The following CNTN5 variants were observed in gnomAD, a reference collection of about 807,000 sequenced individuals.
CNTN5 encodes contactin 5, also known as contactin-5.
CNTN5 carries 77 observed loss-of-function variants against 129.1 expected under a neutral mutation model. The ratio of observed to expected loss-of-function variants is 0.60; its 90% CI spans 0.50 to 0.72. The LOEUF is 0.72. Ranked by LOEUF, CNTN5 falls within the 30% of genes least tolerant of loss-of-function variation. The pLI is 0.00. For synonymous variants in CNTN5, 509 were observed against 465.6 expected (o/e 1.09, Z -1.20); for missense variants, 1,478 against 1,328.8 (o/e 1.11, Z -1.75).
chr11:99,583,871 G>A lies in CNTN5; in HGVS notation c.55+27602G>A, dbSNP rs549943987. On this transcript the variant is annotated intron_variant, in intron 3 of 24. Coordinates refer to ENST00000524871, the MANE Select transcript of CNTN5 (RefSeq NM_014361.4). ...TTGCACTCCCCAGTGAGATGAACTCGGTACCTCAGTTGGAAATGCAGAAAT... is the reference window on the plus strand; with the variant it reads ...TTGCACTCCCCAGTGAGATGAACTCAGTACCTCAGTTGGAAATGCAGAAAT... 4.9e-3 allele frequency among the ~76,000 whole-genome samples: 750 copies of A among 152,126 alleles called. 5 individuals carry two copies. The highest frequency in any genetic ancestry group is 0.01 in the Middle Eastern group (3 of 294).
chr11:99,338,551 T>A (rs1866342117), intron 2 of CNTN5, among the ~76,000 whole-genome samples: 2 of 152,260 alleles, frequency 1.3e-5, no homozygotes, highest in South Asian at 4.1e-4. Context: ...ATTTTTAACA[T>A]TCAGTGAGAA....
intron 3 of CNTN5, among the ~76,000 whole-genome samples, chr11:99,733,489 A>G (rs1478319335): frequency 6.6e-6 from 1 of 152,014 alleles, no homozygotes; most frequent in East Asian, 1.9e-4. Context: ...GGGAGGGTCT[A>G]TGGAAACTGA....
intron 15 of CNTN5, among the ~76,000 whole-genome samples, chr11:100,216,567 T>G (rs1433868730): frequency 6.6e-6 from 1 of 151,928 alleles, no homozygotes; most frequent in Non-Finnish European, 1.5e-5. Context: ...ATTGAAAATT[T>G]TCTTGATACT....
At chr11:99,161,527 G>A (rs1034947621) in intron 1 of CNTN5, among the ~76,000 whole-genome samples, 1 of 152,010 alleles carries the variant, frequency 6.6e-6, no homozygotes, top group Non-Finnish European at 1.5e-5. Flanking sequence ...AAAACCAATT[G>A]CGAGCATGGA....
chr11:99,175,199 A>T (rs920639446), intron 1 of CNTN5, among the ~76,000 whole-genome samples: 1 of 152,158 alleles, frequency 6.6e-6, no homozygotes, highest in Non-Finnish European at 1.5e-5. Flanking sequence ...ATGCCACTGC[A>T]CTCCAGCCTG....
intron 13 of CNTN5, among the ~76,000 whole-genome samples, chr11:100,128,675 A>G (rs1389824780): frequency 6.6e-6 from 1 of 152,092 alleles, no homozygotes; most frequent in Non-Finnish European, 1.5e-5. Flanking sequence ...AATAAAAGCT[A>G]AGGTATGTGT....
intron 1 of CNTN5, among the ~76,000 whole-genome samples, chr11:99,232,960 AAAG>A (rs1861077956): frequency 6.6e-6 from 1 of 152,218 alleles, no homozygotes. Flanking sequence ...GTGAACCTTT[AAAG>A]AAATAGGAAC....
At chr11:99,466,279 T>G (rs1479522047) in intron 2 of CNTN5, among the ~76,000 whole-genome samples, 1 of 152,144 alleles carries the variant, frequency 6.6e-6, no homozygotes, top group Non-Finnish European at 1.5e-5. Flanking sequence ...CAATCACCTC[T>G]TACCAGTCCC....
intron 3 of CNTN5, among the ~76,000 whole-genome samples, chr11:99,571,794 A>T (rs1949183635): frequency 1.3e-5 from 2 of 152,176 alleles, no homozygotes; most frequent in African/African-American, 4.8e-5. Flanking sequence ...TATTCAAATT[A>T]ATCATAGTGA....
chr11:99,184,662 C>A (rs1432435776), intron 1 of CNTN5, among the ~76,000 whole-genome samples: 2 of 151,914 alleles, frequency 1.3e-5, no homozygotes, highest in Non-Finnish European at 2.9e-5. Flanking sequence ...TCAAGAAGTG[C>A]AAAGAAAATG....
At chr11:99,176,004 C>A (rs915755979) in intron 1 of CNTN5, among the ~76,000 whole-genome samples, 6 of 152,160 alleles carry the variant, frequency 3.9e-5, no homozygotes, top group Admixed American at 1.3e-4. Flanking sequence ...CAATTATTTT[C>A]TTTCTTCTCC....
At chr11:99,733,408 C>A (rs766960129) in intron 3 of CNTN5, among the ~76,000 whole-genome samples, 1 of 150,766 alleles carries the variant, frequency 6.6e-6, no homozygotes, top group African/African-American at 2.4e-5. Context: ...ATGATGTTTT[C>A]TCCACAAAGT....
At chr11:99,502,933 A>C (rs1242436178) in intron 2 of CNTN5, among the ~76,000 whole-genome samples, 2 of 152,160 alleles carry the variant, frequency 1.3e-5, no homozygotes, top group Non-Finnish European at 2.9e-5. Context: ...ATCATATTTC[A>C]GTCATTCTGC....
chr11:99,174,616 C>A (rs1433626087), intron 1 of CNTN5, among the ~76,000 whole-genome samples: 2 of 152,002 alleles, frequency 1.3e-5, no homozygotes, highest in East Asian at 3.9e-4. Flanking sequence ...GTGTAGAAGT[C>A]CAGAATCAGG....
intron 2 of CNTN5, among the ~76,000 whole-genome samples, chr11:99,337,831 T>G (rs1866302828): frequency 6.6e-6 from 1 of 150,690 alleles, no homozygotes; most frequent in African/African-American, 2.4e-5. Flanking sequence ...ATATTGAAAG[T>G]ATAATGTCAG....
chr11:99,951,751 C>G (rs569615291), intron 7 of CNTN5, among the ~76,000 whole-genome samples: 1 of 152,086 alleles, frequency 6.6e-6, no homozygotes, highest in African/African-American at 2.4e-5. Flanking sequence ...AATAGAGACT[C>G]AGTGTCTCTA....
intron 1 of CNTN5, among the ~76,000 whole-genome samples, chr11:99,103,938 G>C (rs556321319): frequency 6.6e-6 from 1 of 152,238 alleles, no homozygotes; most frequent in Non-Finnish European, 1.5e-5. Flanking sequence ...ACTGTGGCTT[G>C]GCTGAATCCT....
intron 8 of CNTN5, among the ~76,000 whole-genome samples, chr11:99,993,965 CTTA>C (rs1220657174): frequency 6.6e-6 from 1 of 152,054 alleles, no homozygotes; most frequent in Non-Finnish European, 1.5e-5. Context: ...TTTGAAGCCT[CTTA>C]TTCAACTCTT....
chr11:100,129,323 G>A (rs1330769350), intron 13 of CNTN5, among the ~76,000 whole-genome samples: 1 of 152,104 alleles, frequency 6.6e-6, no homozygotes, highest in Non-Finnish European at 1.5e-5. Flanking sequence ...TTCAAGCTGG[G>A]TTTTCAAAGT....
Sources: allele counts gnomAD v4.1 joint callset (sites outside exome capture counted in the v4.1 genomes callset), GRCh38; gene constraint gnomAD v4.1.1; transcripts MANE v1.5; gene names NCBI Gene and HGNC (gene_info 2026-07-23, HGNC 2026-07-21).